Variants in PRMT3 observed in about 807,000 individuals in gnomAD.
PRMT3 encodes protein arginine methyltransferase 3.
A neutral mutation model predicts 71.9 loss-of-function variants in PRMT3; 62 were observed. That is an observed-to-expected ratio of 0.86 (90% CI 0.70 to 1.07). PRMT3 has a LOEUF of 1.07. PRMT3 is among the 50% of genes least tolerant of loss of function. PRMT3 has a pLI of 0.00. For missense variants in PRMT3, 663 were observed against 643.0 expected, an observed-to-expected ratio of 1.03 and a Z score of -0.34; for synonymous variants, 213 against 220.4, an observed-to-expected ratio of 0.97 and a Z score of 0.30.
chr11:20,474,058 C>T (rs573411164), intron 13 of PRMT3, among the ~76,000 whole-genome samples: 1 of 152,300 alleles, frequency 6.6e-6, no homozygotes, highest in Non-Finnish European at 1.5e-5. Context: ...GCTCCTTCCT[C>T]TGGAAGCTCC....
intron 9 of PRMT3, among the ~76,000 whole-genome samples, chr11:20,424,810 C>G (rs746173636): frequency 1.9e-4 from 29 of 152,084 alleles, no homozygotes; most frequent in Non-Finnish European, 3.7e-4. Context: ...GTAAAGAACT[C>G]TTAGAATTCA....
At chr11:20,405,500 C>CA (rs1419209645) in intron 8 of PRMT3, 12 of 152,050 alleles carry the variant, frequency 7.9e-5, no homozygotes, top group African/African-American at 2.9e-4. Flanking sequence ...AGAAGGTTAA[C>CA]CTGTGTTTGA....
At chr11:20,416,641 CTATTTT>C (rs1849311588) in intron 9 of PRMT3, among the ~76,000 whole-genome samples, 1 of 152,094 alleles carries the variant, frequency 6.6e-6, no homozygotes. Flanking sequence ...TTCCAGATGA[CTATTTT>C]TATATTTTTT....
At chr11:20,507,414 A>G (rs11025591) in intron 15 of PRMT3, among the ~76,000 whole-genome samples, 7,223 of 152,114 alleles carry the variant, frequency 0.047, 275 homozygotes, top group East Asian at 0.2. Context: ...TATGACCACA[A>G]TAGTTTTACT....
At chr11:20,432,540 T>A (rs950131285) in intron 10 of PRMT3, among the ~76,000 whole-genome samples, 5 of 152,194 alleles carry the variant, frequency 3.3e-5, no homozygotes, top group African/African-American at 1.2e-4. Flanking sequence ...GACATTTCTT[T>A]GACATTCTGT....
chr11:20,423,469 G>C (rs1375473083), intron 9 of PRMT3, among the ~76,000 whole-genome samples: 2 of 152,056 alleles, frequency 1.3e-5, no homozygotes, highest in Non-Finnish European at 2.9e-5. Context: ...ATTGTCTATT[G>C]CCTCTTTCAC....
At chr11:20,396,706 A>G (rs6483669) in intron 6 of PRMT3, among the ~76,000 whole-genome samples, 135,087 of 152,138 alleles carry the variant, frequency 0.89, 60,665 homozygotes, top group Middle Eastern at 0.96. Context: ...CCAGATATAC[A>G]GTGACAGTTT....
intron 13 of PRMT3, among the ~76,000 whole-genome samples, chr11:20,472,416 A>G (rs1850668720): frequency 6.6e-6 from 1 of 152,208 alleles, no homozygotes; most frequent in Non-Finnish European, 1.5e-5. Context: ...AGGGATGTTG[A>G]ATTTTACTGA....
chr11:20,413,787 C>G (rs1006262931), intron 9 of PRMT3, among the ~76,000 whole-genome samples: 1 of 152,136 alleles, frequency 6.6e-6, no homozygotes, highest in African/African-American at 2.4e-5. Context: ...CTCTTCAACT[C>G]TGTTCTTAAC....
intron 9 of PRMT3, among the ~76,000 whole-genome samples, chr11:20,425,832 G>A (rs111843717): frequency 0.029 from 4,375 of 152,198 alleles, 214 homozygotes; most frequent in African/African-American, 0.098. Flanking sequence ...CAAAGTATCT[G>A]TTTTTCGGAA....
intron 10 of PRMT3, among the ~76,000 whole-genome samples, chr11:20,448,107 GA>G (rs1565216624): frequency 3.3e-5 from 5 of 152,026 alleles, no homozygotes; most frequent in Middle Eastern, 3.4e-3. Context: ...GGAAATCGTA[GA>G]ATTCAAGGAG....
At position 20,508,465 on chromosome 11, in the gene PRMT3, G is replaced by T; in HGVS notation, c.*52G>T. The T allele has an allele frequency of 7.6e-7, 1 of 1,312,680 alleles. No homozygotes were observed. Among genetic ancestry groups the T allele is most frequent in the Non-Finnish European group, 1.1e-6 (1 of 905,944 alleles). 81.3% of individuals were successfully genotyped at this position (1,312,680 alleles called of 1,614,324 possible). Reference sequence around the variant, plus strand: ...TAGTTTTTAATGTGGGGGTAGAGTGGGTCAGCAGGAGGGAGCTGGTTTTAT... The same window carrying T: ...TAGTTTTTAATGTGGGGGTAGAGTGTGTCAGCAGGAGGGAGCTGGTTTTAT... On this transcript the variant is annotated 3_prime_UTR_variant, in exon 16 of 16. Coordinates refer to ENST00000331079, the MANE Select transcript of PRMT3 (RefSeq NM_005788.4).
intron 15 of PRMT3, among the ~76,000 whole-genome samples, chr11:20,496,501 T>C (rs1851335791): frequency 6.6e-6 from 1 of 151,784 alleles, no homozygotes; most frequent in Admixed American, 6.6e-5. Context: ...TTATGTGAAC[T>C]TTTAAAACAT....
intron 10 of PRMT3, among the ~76,000 whole-genome samples, chr11:20,428,503 A>G (rs2133354826): frequency 1.3e-5 from 2 of 152,324 alleles, no homozygotes; most frequent in East Asian, 3.9e-4. Context: ...AGGATTTTTC[A>G]CTTCCAAATC....
intron 10 of PRMT3, among the ~76,000 whole-genome samples, chr11:20,442,157 T>G (rs1849922382): frequency 6.6e-6 from 1 of 152,218 alleles, no homozygotes; most frequent in South Asian, 2.1e-4. Context: ...AGCTTAAATT[T>G]TGTTTATATT....
chr11:20,470,614 A>G (rs148045114), intron 13 of PRMT3, among the ~76,000 whole-genome samples: 621 of 152,180 alleles, frequency 4.1e-3, no homozygotes, highest in Middle Eastern at 0.014. Context: ...ATGTATATGT[A>G]CCACATTTTC....
At chr11:20,504,616 G>A (rs997651038) in intron 15 of PRMT3, among the ~76,000 whole-genome samples, 1 of 151,798 alleles carries the variant, frequency 6.6e-6, no homozygotes, top group Non-Finnish European at 1.5e-5. Flanking sequence ...CCATTTATGT[G>A]GACCATCTTT....
intron 5 of PRMT3, among the ~76,000 whole-genome samples, chr11:20,394,213 T>G (rs1266446281): frequency 6.6e-6 from 1 of 152,226 alleles, no homozygotes; most frequent in Admixed American, 6.5e-5. Context: ...CTCACTGCCT[T>G]AAGTTGATCC....
intron 10 of PRMT3, among the ~76,000 whole-genome samples, chr11:20,434,949 T>C (rs1252201721): frequency 1.3e-5 from 2 of 152,236 alleles, no homozygotes; most frequent in Non-Finnish European, 2.9e-5. Context: ...AGGAATAACA[T>C]TGAATCTATA....
Sources: gnomAD v4.1 joint callset for allele counts (sites outside exome capture counted in the v4.1 genomes callset) on GRCh38, gnomAD v4.1.1 for gene constraint, MANE v1.5 for transcripts, NCBI Gene and HGNC (gene_info 2026-07-23, HGNC 2026-07-21) for gene names.